TAFA5: variants seen among roughly 807,000 people sequenced by gnomAD.
TAFA5 encodes the protein chemokine-like protein TAFA-5.
In TAFA5, 6 loss-of-function variants were observed where a neutral mutation model predicts 15.3. The observed-to-expected ratio is 0.39, with a 90% CI of 0.21 to 0.77. The LOEUF is 0.77. Among genes scored for constraint, TAFA5 ranks in the 30% least tolerant of loss-of-function variants. The pLI is 0.41. For synonymous variants in TAFA5, 103 were observed against 80.7 expected (o/e 1.28, Z -1.48); for missense variants, 161 against 193.1 (o/e 0.83, Z 0.98).
intron 2 of TAFA5, among the ~76,000 whole-genome samples, chr22:48,686,960 G>A (rs1297238644): frequency 6.6e-6 from 1 of 150,932 alleles, no homozygotes; most frequent in Non-Finnish European, 1.5e-5. Context: ...GGTGGGTGAT[G>A]AATGAGTGAA....
chr22:48,513,710 A>T (rs933489643), intron 1 of TAFA5, among the ~76,000 whole-genome samples: 10 of 152,128 alleles, frequency 6.6e-5, no homozygotes, highest in African/African-American at 2.4e-4. Context: ...CAGGAGGAGG[A>T]GGTGCCGTGC....
At position 48,489,720 on chromosome 22, in the gene TAFA5, C is replaced by T. The variant is rs1928072121; in HGVS notation, c.112+16C>T. 1 of 1,406,946 alleles carries T rather than the reference C, an allele frequency of 7.1e-7. No homozygotes were observed. Among genetic ancestry groups the T allele is most frequent in the Middle Eastern group, 1.9e-4 (1 of 5,374 alleles). The allele number at this position is 1,406,946 out of a possible 1,614,324, so 87.2% of individuals were successfully genotyped here. ...GCCTACTGCAGTGAGTACCGCGCGG[C>T]CCCGGCCCCGGCACGGCCCTCTGGG... is the stretch of plus-strand genomic sequence containing the variant. On this transcript the variant is annotated intron_variant, in intron 1 of 3. Transcript: ENST00000402357. The surrounding 1 kb of genome is among the most constrained non-coding windows in gnomAD (Gnocchi z 5.5).
chr22:48,537,621 A>G (rs1204955178), intron 1 of TAFA5, among the ~76,000 whole-genome samples: 2 of 152,242 alleles, frequency 1.3e-5, no homozygotes, highest in African/African-American at 2.4e-5. Flanking sequence ...ATGAGTGTCA[A>G]ACCAAATGCC....
rs541682664 is a variant in TAFA5 at position 48,567,318 on chromosome 22, A to G, written c.112+77614A>G. Among the ~76,000 whole-genome samples the G allele has an allele frequency of 5.3e-5, 8 of 151,086 alleles. No homozygotes were observed. In the East Asian group the frequency reaches 1.5e-3, roughly 29 times the overall value. ...CCTCGTGTGTGCCCATCTGTTTCCG[A>G]GGACTGCGGGTAGCAGGCTCCCGCC... On this transcript the variant is annotated intron_variant, in intron 1 of 3. Transcript: ENST00000402357.
chr22:48,635,921 G>A (rs969747475), intron 1 of TAFA5, among the ~76,000 whole-genome samples: 4 of 152,228 alleles, frequency 2.6e-5, no homozygotes, highest in African/African-American at 4.8e-5. Context: ...TTTCACAGGT[G>A]GCTCTTGGCA....
At chr22:48,708,583 G>A (rs8140897) in intron 3 of TAFA5, among the ~76,000 whole-genome samples, 5,196 of 152,324 alleles carry the variant, frequency 0.034, 243 homozygotes, top group African/African-American at 0.1. Flanking sequence ...CATGGGGCTC[G>A]GGGCATTCCC....
At chr22:48,533,146 C>A (rs1332406765) in intron 1 of TAFA5, among the ~76,000 whole-genome samples, 1 of 152,148 alleles carries the variant, frequency 6.6e-6, no homozygotes, top group Non-Finnish European at 1.5e-5. Context: ...CCTGCTGCCG[C>A]CCAGCCTGAT....
chr22:48,661,550 C>T (rs1927441688), intron 2 of TAFA5, among the ~76,000 whole-genome samples: 1 of 152,216 alleles, frequency 6.6e-6, no homozygotes, highest in Non-Finnish European at 1.5e-5. Context: ...TCCCTGGGTT[C>T]AGAGCCTGCT....
intron 1 of TAFA5, among the ~76,000 whole-genome samples, chr22:48,497,452 A>G (rs1341297755): frequency 6.8e-6 from 1 of 147,458 alleles, no homozygotes. Context: ...ACAAGACTGG[A>G]GTGTCCAGTG....
At chr22:48,659,067 C>T (rs947380545) in intron 2 of TAFA5, among the ~76,000 whole-genome samples, 3 of 152,228 alleles carry the variant, frequency 2.0e-5, no homozygotes, top group East Asian at 1.9e-4. Context: ...GGCAAGTCTC[C>T]GAGGGCCCTG....
intron 2 of TAFA5, among the ~76,000 whole-genome samples, chr22:48,695,099 G>A (rs773182504): frequency 9.2e-5 from 14 of 151,956 alleles, no homozygotes; most frequent in Non-Finnish European, 1.9e-4. Flanking sequence ...GACTTCGTGA[G>A]GCCAGGTGGT....
At chr22:48,644,450 C>G (rs1200065669) in intron 1 of TAFA5, among the ~76,000 whole-genome samples, 1 of 152,224 alleles carries the variant, frequency 6.6e-6, no homozygotes, top group African/African-American at 2.4e-5. Flanking sequence ...GCACCATGGG[C>G]AGAAGGAGCT....
At chr22:48,681,788 C>G (rs1928198901) in intron 2 of TAFA5, among the ~76,000 whole-genome samples, 1 of 152,150 alleles carries the variant, frequency 6.6e-6, no homozygotes, top group Non-Finnish European at 1.5e-5. Flanking sequence ...GTCCTTCTTG[C>G]ACACACTCCG....
intron 1 of TAFA5, among the ~76,000 whole-genome samples, chr22:48,584,127 A>G (rs1427240283): frequency 6.8e-6 from 1 of 147,284 alleles, no homozygotes; most frequent in Non-Finnish European, 1.5e-5. Flanking sequence ...CACACCAATC[A>G]CATGCACACA....
intron 1 of TAFA5, among the ~76,000 whole-genome samples, chr22:48,620,925 C>T (rs1248332897): frequency 4.8e-4 from 2 of 4,144 alleles, no homozygotes. Flanking sequence ...CTATCCTATT[C>T]ATCCATCCCC....
intron 1 of TAFA5, among the ~76,000 whole-genome samples, chr22:48,554,968 C>T (rs928160218): frequency 2.6e-5 from 4 of 152,144 alleles, no homozygotes; most frequent in African/African-American, 9.7e-5. Flanking sequence ...GGGCGGGGGC[C>T]CAGGGTGGCA....
At chr22:48,621,646 G>T (rs1348232847) in intron 1 of TAFA5, among the ~76,000 whole-genome samples, 8 of 152,236 alleles carry the variant, frequency 5.3e-5, no homozygotes, top group Admixed American at 3.3e-4. Flanking sequence ...CCGCAGAGTG[G>T]CCCAGCCTGC....
intron 1 of TAFA5, among the ~76,000 whole-genome samples, chr22:48,631,458 G>A (rs551137049): frequency 5.9e-5 from 9 of 152,340 alleles, no homozygotes; most frequent in East Asian, 5.8e-4. Flanking sequence ...CCGTGCAGGC[G>A]CTGAGTGGCT....
At chr22:48,624,406 T>C (rs902087955) in intron 1 of TAFA5, among the ~76,000 whole-genome samples, 1 of 152,014 alleles carries the variant, frequency 6.6e-6, no homozygotes, top group South Asian at 2.1e-4. Flanking sequence ...CACTCACTTA[T>C]GGAGTGGGGG....
Sources: gnomAD v4.1 joint callset for allele counts (sites outside exome capture counted in the v4.1 genomes callset) on GRCh38, gnomAD v4.1.1 for gene constraint, Gnocchi (gnomAD v3.1) non-coding constraint, MANE v1.5 for transcripts, NCBI Gene and HGNC (gene_info 2026-07-23, HGNC 2026-07-21) for gene names.